RANBP3L: variants seen among roughly 807,000 people sequenced by gnomAD.
RANBP3L encodes the protein RAN binding protein 3 like, also known as ran-binding protein 3-like.
RANBP3L carries 56 observed loss-of-function variants against 67.2 expected under a neutral mutation model. That is an observed-to-expected ratio of 0.83 (90% CI 0.67 to 1.04). RANBP3L has a LOEUF of 1.04. Among genes scored for constraint, RANBP3L ranks in the 50% least tolerant of loss-of-function variants. The pLI, the probability that RANBP3L is intolerant of heterozygous loss-of-function variation, is 0.00. For synonymous variants in RANBP3L, 164 were observed against 181.4 expected, an observed-to-expected ratio of 0.90 and a Z score of 0.77; for missense variants, 496 against 535.5, an observed-to-expected ratio of 0.93 and a Z score of 0.73.
intron 1 of RANBP3L, among the ~76,000 whole-genome samples, chr5:36,279,119 A>G (rs918533095): frequency 6.6e-6 from 1 of 152,166 alleles, no homozygotes; most frequent in Non-Finnish European, 1.5e-5. Flanking sequence ...CTCTGCATGG[A>G]GCCCAAGGAA....
chr5:36,269,039 C>T (rs777848598), intron 4 of RANBP3L, among the ~76,000 whole-genome samples: 6 of 151,972 alleles, frequency 3.9e-5, no homozygotes, highest in Non-Finnish European at 8.8e-5. Flanking sequence ...GCCTTTTCTC[C>T]TGCTTACAAA....
At chr5:36,299,156 T>C (rs552099455) in intron 1 of RANBP3L, among the ~76,000 whole-genome samples, 28 of 152,256 alleles carry the variant, frequency 1.8e-4, no homozygotes, top group African/African-American at 5.8e-4. Flanking sequence ...TCCTTGAACA[T>C]TGGATTCCAA....
At chr5:36,259,357 T>G (rs1019785423) in intron 8 of RANBP3L, among the ~76,000 whole-genome samples, 1 of 151,478 alleles carries the variant, frequency 6.6e-6, no homozygotes, top group Non-Finnish European at 1.5e-5. Flanking sequence ...CTGAGGCGGG[T>G]GGATCGCTTG....
At chr5:36,253,846 C>CGT in intron 11 of RANBP3L, 57 bp from the exon 12 acceptor site, 1 of 1,511,904 alleles carries the variant, frequency 6.6e-7, no homozygotes, top group Non-Finnish European at 8.9e-7. Flanking sequence ...GAGGAATTTA[C>CGT]CATTTTCAAA....
intron 8 of RANBP3L, among the ~76,000 whole-genome samples, chr5:36,260,419 A>T (rs1561102990): frequency 6.6e-6 from 1 of 151,994 alleles, no homozygotes; most frequent in Non-Finnish European, 1.5e-5. Flanking sequence ...CTTGTTACAA[A>T]ATGATGACAT....
At chr5:36,257,405 G>T in intron 9 of RANBP3L, 49 bp downstream of exon 9, 1 of 762,250 alleles carries the variant, frequency 1.3e-6, no homozygotes, top group Non-Finnish European at 2.2e-6. Context: ...ATAAAAAACA[G>T]GAGACAAACT....
intron 6 of RANBP3L, among the ~76,000 whole-genome samples, chr5:36,264,388 C>T (rs769733375): frequency 3.9e-5 from 6 of 152,166 alleles, no homozygotes; most frequent in Non-Finnish European, 8.8e-5. Flanking sequence ...CATATCTGCA[C>T]GGCTTGTGTA....
intron 1 of RANBP3L, among the ~76,000 whole-genome samples, chr5:36,294,500 T>C (rs1409471348): frequency 6.6e-6 from 1 of 152,086 alleles, no homozygotes; most frequent in Non-Finnish European, 1.5e-5. Context: ...TGTTAGGGTA[T>C]CAATTTTGGA....
chr5:36,279,986 A>C (rs75953586), intron 1 of RANBP3L, among the ~76,000 whole-genome samples: 3,145 of 152,226 alleles, frequency 0.021, 126 homozygotes, highest in African/African-American at 0.072. Flanking sequence ...AAGATGAGAA[A>C]ACTCTCTGTC....
rs186198528 is a variant in RANBP3L at position 36,274,409 on chromosome 5, G to A, written c.92-3098C>T. ...GGGTCAGGGTAAGGTTTCCAGGAGA[G>A]GTGATATTTAGACAGACTTGTAGGA... On this transcript the variant is annotated intron_variant, in intron 1 of 13. Coordinates refer to ENST00000296604, the MANE Select transcript of RANBP3L (RefSeq NM_145000.5). Among the ~76,000 whole-genome samples the A allele has an allele frequency of 1.0e-3, 156 of 152,178 alleles. 1 individual carries two copies. Among genetic ancestry groups the A allele is most frequent in the African/African-American group, 3.6e-3 (151 of 41,530 alleles).
At chr5:36,298,690 G>A (rs565643866) in intron 1 of RANBP3L, among the ~76,000 whole-genome samples, 1 of 152,332 alleles carries the variant, frequency 6.6e-6, no homozygotes, top group Non-Finnish European at 1.5e-5. Flanking sequence ...GCAATCAATG[G>A]CCAGTCTGGA....
intron 1 of RANBP3L, among the ~76,000 whole-genome samples, chr5:36,287,872 A>G (rs1751438528): frequency 1.3e-5 from 2 of 152,164 alleles, no homozygotes; most frequent in Admixed American, 1.3e-4. Context: ...ATATTTCCTG[A>G]GCTGTGGGTA....
chr5:36,262,608 G>C (rs1749477381), intron 6 of RANBP3L, among the ~76,000 whole-genome samples: 1 of 151,962 alleles, frequency 6.6e-6, no homozygotes, highest in Non-Finnish European at 1.5e-5. Flanking sequence ...GAATTGGAAG[G>C]AACCCTATAC....
intron 4 of RANBP3L, chr5:36,268,128 A>G: frequency 1.8e-6 from 2 of 1,083,192 alleles, no homozygotes; most frequent in South Asian, 1.7e-5. Flanking sequence ...AAGAAAAGTC[A>G]TCATTAATAA....
At chr5:36,275,926 C>T (rs1345413659) in intron 1 of RANBP3L, among the ~76,000 whole-genome samples, 2 of 152,060 alleles carry the variant, frequency 1.3e-5, no homozygotes, top group African/African-American at 4.8e-5. Context: ...CTTTAAATCA[C>T]ATGAATATGT....
At chr5:36,269,863 A>C (rs1750085021) in intron 3 of RANBP3L, 88 bp downstream of exon 3, 1 of 1,070,052 alleles carries the variant, frequency 9.3e-7, no homozygotes, top group Non-Finnish European at 1.5e-6. Flanking sequence ...TAACTTTCAC[A>C]TAGTCTGTGC....
At chr5:36,261,377 G>A (rs1319186932) in intron 7 of RANBP3L, among the ~76,000 whole-genome samples, 1 of 152,136 alleles carries the variant, frequency 6.6e-6, no homozygotes, top group African/African-American at 2.4e-5. Flanking sequence ...TTTGTAGACA[G>A]ATGTGCTCAG....
At chr5:36,254,153 T>C (rs2111643238) in intron 11 of RANBP3L, among the ~76,000 whole-genome samples, 1 of 152,170 alleles carries the variant, frequency 6.6e-6, no homozygotes, top group African/African-American at 2.4e-5. Context: ...AATTGTGGTG[T>C]AGTCATTCAA....
chr5:36,273,219 A>C (rs1750346480), intron 1 of RANBP3L, among the ~76,000 whole-genome samples: 1 of 152,192 alleles, frequency 6.6e-6, no homozygotes, highest in African/African-American at 2.4e-5. Flanking sequence ...AACTGGGCTT[A>C]GGACAGTCAT....
Sources: gnomAD v4.1 joint callset for allele counts (sites outside exome capture counted in the v4.1 genomes callset) on GRCh38, gnomAD v4.1.1 for gene constraint, MANE v1.5 for transcripts, NCBI Gene and HGNC (gene_info 2026-07-23, HGNC 2026-07-21) for gene names.